The following XKR6 variants were observed in gnomAD, a reference collection of about 807,000 sequenced individuals.
XKR6 encodes XK-related protein 6.
Under a neutral mutation model 56.7 loss-of-function variants are expected in XKR6, and 22 were observed. The ratio of observed to expected loss-of-function variants is 0.39; its 90% CI spans 0.28 to 0.55. The LOEUF is 0.55. XKR6 is among the 20% of genes least tolerant of loss of function. The pLI is 0.66. For synonymous variants in XKR6, 524 were observed against 387.8 expected, an observed-to-expected ratio of 1.35 and a Z score of -4.13; for missense variants, 852 against 889.0, an observed-to-expected ratio of 0.96 and a Z score of 0.53.
At chr8:11,149,123 T>C (rs1801138868) in intron 1 of XKR6, among the ~76,000 whole-genome samples, 1 of 152,162 alleles carries the variant, frequency 6.6e-6, no homozygotes, top group Non-Finnish European at 1.5e-5. Context: ...CCTAATGTGA[T>C]GGAATCAGGA....
At chr8:11,090,304 T>C (rs952066116) in intron 1 of XKR6, among the ~76,000 whole-genome samples, 1 of 152,168 alleles carries the variant, frequency 6.6e-6, no homozygotes, top group South Asian at 2.1e-4. Flanking sequence ...TCCAGGCTGG[T>C]CTCAGATTCC....
intron 1 of XKR6, among the ~76,000 whole-genome samples, chr8:11,182,686 C>T (rs987622616): frequency 4.6e-5 from 7 of 152,216 alleles, no homozygotes; most frequent in Non-Finnish European, 7.3e-5. Flanking sequence ...GAAATAAAAA[C>T]ATCTAGAGTA....
At chr8:10,949,516 C>G (rs1458547348) in intron 1 of XKR6, among the ~76,000 whole-genome samples, 1 of 152,250 alleles carries the variant, frequency 6.6e-6, no homozygotes, top group Non-Finnish European at 1.5e-5. Context: ...ACACCTGTTC[C>G]TAGAACAGTC....
chr8:11,059,449 G>A (rs1476680675), intron 1 of XKR6, among the ~76,000 whole-genome samples: 1 of 152,172 alleles, frequency 6.6e-6, no homozygotes, highest in Non-Finnish European at 1.5e-5. Context: ...CCGCGTCCCC[G>A]CGCCGGCGCC....
intron 2 of XKR6, among the ~76,000 whole-genome samples, chr8:10,903,979 C>T (rs1357568547): frequency 6.6e-6 from 1 of 152,168 alleles, no homozygotes; most frequent in Non-Finnish European, 1.5e-5. Flanking sequence ...AAAGTCAATG[C>T]GTTCTCCTAG....
intron 1 of XKR6, among the ~76,000 whole-genome samples, chr8:11,183,821 C>G (rs1335886203): frequency 6.6e-5 from 10 of 152,044 alleles, no homozygotes; most frequent in Non-Finnish European, 1.2e-4. Context: ...CGGAAAGGCT[C>G]AGGAATAAGG....
At chr8:11,009,316 G>C (rs1798447396) in intron 1 of XKR6, among the ~76,000 whole-genome samples, 1 of 152,154 alleles carries the variant, frequency 6.6e-6, no homozygotes, top group Non-Finnish European at 1.5e-5. Flanking sequence ...TTCAAGACCG[G>C]CCTGGGTAAC....
intron 1 of XKR6, among the ~76,000 whole-genome samples, chr8:11,131,519 T>G (rs1326769635): frequency 6.6e-6 from 1 of 152,206 alleles, no homozygotes; most frequent in Non-Finnish European, 1.5e-5. Context: ...TATTTCTGTA[T>G]GGCTTAAAAG....
chr8:11,188,889 C>T (rs1347143860), intron 1 of XKR6, among the ~76,000 whole-genome samples: 1 of 152,148 alleles, frequency 6.6e-6, no homozygotes, highest in Non-Finnish European at 1.5e-5. Flanking sequence ...TTCTCACCAT[C>T]CCCATGTACA....
intron 1 of XKR6, among the ~76,000 whole-genome samples, chr8:11,199,728 T>G (rs1213597530): frequency 6.6e-6 from 1 of 152,184 alleles, no homozygotes; most frequent in Non-Finnish European, 1.5e-5. Context: ...TGTGAGGGAC[T>G]GAACTGGGAC....
intron 2 of XKR6, 38 bp downstream of exon 2, chr8:10,924,596 C>A: frequency 6.4e-7 from 1 of 1,574,056 alleles, no homozygotes. Flanking sequence ...AGGTGGAGGG[C>A]AGGCCGGGGT....
At chr8:11,049,753 G>A (rs1446782279) in intron 1 of XKR6, among the ~76,000 whole-genome samples, 2 of 152,038 alleles carry the variant, frequency 1.3e-5, no homozygotes, top group African/African-American at 4.8e-5. Flanking sequence ...GGGTGAGAAA[G>A]AAGAAGAAAA....
chr8:10,994,258 C>T (rs966578474), intron 1 of XKR6, among the ~76,000 whole-genome samples: 1 of 152,234 alleles, frequency 6.6e-6, no homozygotes. Context: ...CCTTCAGACC[C>T]TCTCATTTTG....
intron 1 of XKR6, among the ~76,000 whole-genome samples, chr8:11,152,967 G>A (rs73530522): frequency 0.046 from 6,934 of 152,280 alleles, 340 homozygotes; most frequent in African/African-American, 0.12. Flanking sequence ...CTCACAGAAT[G>A]CCACGGTTTG....
chr8:10,980,211 G>C (rs1048447235), intron 1 of XKR6, among the ~76,000 whole-genome samples: 45 of 152,192 alleles, frequency 3.0e-4, no homozygotes, highest in Admixed American at 2.6e-3. Flanking sequence ...CTTCCAGGCA[G>C]AGGCAGGAAG....
chr8:11,126,813 G>T (rs1468780399), intron 1 of XKR6, among the ~76,000 whole-genome samples: 1 of 152,142 alleles, frequency 6.6e-6, no homozygotes, highest in African/African-American at 2.4e-5. Flanking sequence ...TTAGAATCCT[G>T]GGGCCGATGT....
intron 1 of XKR6, among the ~76,000 whole-genome samples, chr8:11,172,009 C>T (rs954309156): frequency 6.6e-6 from 1 of 151,314 alleles, no homozygotes; most frequent in African/African-American, 2.4e-5. Flanking sequence ...GCCAACATCA[C>T]GCCATTGCAC....
chr8:10,998,914 C>G (rs558936199), intron 1 of XKR6, among the ~76,000 whole-genome samples: 3 of 152,202 alleles, frequency 2.0e-5, no homozygotes, highest in African/African-American at 7.2e-5. Context: ...CCTGAAACAG[C>G]TGTCGACCAA....
chr8:11,004,775 G>T (rs1264425666), intron 1 of XKR6, among the ~76,000 whole-genome samples: 1 of 152,178 alleles, frequency 6.6e-6, no homozygotes, highest in Non-Finnish European at 1.5e-5. Flanking sequence ...ATAGCCAAAA[G>T]GTGGAGACAA....
Sources: allele counts gnomAD v4.1 joint callset (sites outside exome capture counted in the v4.1 genomes callset), GRCh38; gene constraint gnomAD v4.1.1; transcripts MANE v1.5; gene names NCBI Gene and HGNC (gene_info 2026-07-23, HGNC 2026-07-21).